COL7A1: variants seen among roughly 807,000 people sequenced by gnomAD.
COL7A1 encodes collagen alpha-1(VII) chain.
COL7A1 carries 296 observed loss-of-function variants against 456.2 expected under a neutral mutation model. The ratio of observed to expected loss-of-function variants is 0.65; its 90% CI spans 0.59 to 0.71. The LOEUF (loss-of-function observed/expected upper bound fraction) is 0.71, where lower values mean the gene tolerates loss of function less well. Among genes scored for constraint, COL7A1 ranks in the 30% least tolerant of loss-of-function variants. The pLI, the probability that COL7A1 is intolerant of heterozygous loss-of-function variation, is 0.00. For synonymous variants in COL7A1, 1,464 were observed against 1,525.9 expected (o/e 0.96, Z 0.95); for missense variants, 3,441 against 4,017.2 (o/e 0.86, Z 3.88).
rs1361793973 is a variant in COL7A1, at chr3:48,571,387, G to A, written c.7069-109C>T. The A allele has an allele frequency of 2.2e-5, 31 of 1,385,140 alleles. No individual in the cohort carries two copies. The highest frequency in any genetic ancestry group is 9.2e-6 in the Non-Finnish European group (9 of 983,572). 85.8% of individuals were successfully genotyped at this position (1,385,140 alleles called of 1,614,324 possible). A position where few individuals can be genotyped will look rare whatever the true frequency, so the allele number is the denominator to read the frequency against. ...AGTTCTGATGTGACCATGAACACAT[G>A]GGAACTCAGACATGCGACCAAGAAT... On this transcript the variant is annotated intron_variant, in intron 92 of 118. Transcript: ENST00000681320. The surrounding 1 kb of genome is among the most constrained non-coding windows in gnomAD (Gnocchi z 4.6).
chr3:48,575,533 T>C lies in COL7A1; in HGVS notation c.5986A>G (p.Ile1996Val), dbSNP rs771271966. The part of the protein sequence containing the change: ...EQGPPGKEGP[I>V]GFPGERGLKG... ...AGCCCGCGTTCTCCAGGAAAGCCGA[T>C]GGGGCCCTGCAGGAGTGGAAGAGAG... Residue 1996 changes from isoleucine (I) to valine (V), a missense_variant, in exon 74 of 119, where the codon ATC becomes GTC. This residue lies in a region of COL7A1 where 2,084 missense variants were observed against 2,501.3 expected (regional missense o/e 0.83). Coordinates refer to ENST00000681320, the MANE Select transcript of COL7A1 (RefSeq NM_000094.4). The surrounding 1 kb of genome is among the most constrained non-coding windows in gnomAD (Gnocchi z 6.3). 33 of 1,612,642 alleles carry C rather than the reference T, an allele frequency of 2.0e-5. No individual in the cohort carries two copies. In the African/African-American group the frequency reaches 3.7e-4, roughly 18 times the overall value.
Position 48,580,969 on chromosome 3 carries a change from A to C in COL7A1, c.4936-43T>G, listed in dbSNP as rs1341228149. On this transcript the variant is annotated intron_variant, in intron 53 of 118. Transcript: ENST00000681320. The surrounding 1 kb of genome is among the most constrained non-coding windows in gnomAD (Gnocchi z 4.5). The stretch of plus-strand genomic sequence containing the variant: ...AGTCATACTGCACAGGGCAGTCAGG[A>C]TCTAACTCACTCAGGGAGAGGGGAC... 3 of 1,612,602 alleles carry C rather than the reference A, an allele frequency of 1.9e-6. No individual in the cohort carries two copies. The highest frequency in any genetic ancestry group is 1.3e-5 in the African/African-American group (1 of 74,874).
chr3:48,567,974 C>G lies in COL7A1; in HGVS notation c.7876-83G>C, dbSNP rs2043682986. The G allele has an allele frequency of 4.6e-5, 74 of 1,602,924 alleles. No homozygotes were observed. The highest frequency in any genetic ancestry group is 6.3e-5 in the Non-Finnish European group (74 of 1,170,494). The stretch of plus-strand genomic sequence containing the variant: ...TTCACCCTGAAACTAACTCTCCAAA[C>G]AGGCCTCAGCTACTCCAACCTCTGA... On this transcript the variant is annotated intron_variant, in intron 106 of 118. Transcript: ENST00000681320. This position sits in a 1 kb window ranked among gnomAD's most constrained non-coding sequence, Gnocchi z 4.3.
At position 48,593,140 on chromosome 3, in the gene COL7A1, A is replaced by C; in HGVS notation, c.644T>G (p.Val215Gly). 6.2e-7 allele frequency: 1 copy of C among 1,613,844 alleles called. No individual in the cohort carries two copies. The highest frequency in any genetic ancestry group is 8.5e-7 in the Non-Finnish European group (1 of 1,179,948). The change falls in exon 6 of 119, where the codon GTG becomes GGG. Residue 215 changes from valine to glycine, a missense_variant. Val to Gly is a moderately radical substitution (Grantham distance 109). Transcript: ENST00000681320. The surrounding 1 kb of genome is among the most constrained non-coding windows in gnomAD (Gnocchi z 4.4). ...AGGCACGCCACCAGCAGTCGTGCAC[A>C]CTCTCCGGGAAACGAGGGGCAGTAG... ...RTLLPLVSRR[V>G]CTTAGGVPVT... is the part of the protein sequence containing the mutation.
rs750126703 is a variant in COL7A1, at chr3:48,574,515, A to T, written c.6429T>A (p.Pro2143=). 1.9e-6 allele frequency: 3 copies of T among 1,614,064 alleles called. No individual in the cohort carries two copies. Among genetic ancestry groups the T allele is most frequent in the Non-Finnish European group, 2.5e-6 (3 of 1,180,022 alleles). ...VPGIKGDRGE[P]GPRGQDGNPG... ...GGTTGCCGTCCTGACCCCTCGGTCC[A>T]GGCTCTCCCCGGTCTCCTTTGATGC... is the stretch of plus-strand genomic sequence containing the variant. The change falls in exon 79 of 119, where the codon CCT becomes CCA. Residue 2143 remains proline (P), a synonymous_variant. Coordinates refer to ENST00000681320, the MANE Select transcript of COL7A1 (RefSeq NM_000094.4). This position sits in a 1 kb window ranked among gnomAD's most constrained non-coding sequence, Gnocchi z 5.0.
In COL7A1 at chr3:48,584,901, G is replaced by T. The variant is rs1283623502; in HGVS notation, c.4011+9C>A. ...ACACTTAGAGAGCAAAGAAGGGAAG[G>T]CACCTTACCGGGTCCCCACGAGGGC... On this transcript the variant is annotated intron_variant, in intron 34 of 118. Coordinates refer to ENST00000681320, the MANE Select transcript of COL7A1 (RefSeq NM_000094.4). 3.1e-6 allele frequency: 5 copies of T among 1,613,940 alleles called. No homozygotes were observed. Among genetic ancestry groups the T allele is most frequent in the South Asian group, 1.1e-5 (1 of 91,092 alleles).
chr3:48,574,886 G>A lies in COL7A1; in HGVS notation c.6280-21C>T, dbSNP rs770650292. 6.2e-7 allele frequency: 1 copy of A among 1,613,382 alleles called. No individual in the cohort carries two copies. The highest frequency in any genetic ancestry group is 8.5e-7 in the Non-Finnish European group (1 of 1,179,646). ...GACACCTACAAACACAAGGTCACAG[G>A]GGAGAGATGTCTCTGTCATAGAGGC... On this transcript the variant is annotated intron_variant, in intron 76 of 118. Transcript: ENST00000681320. The surrounding 1 kb of genome is among the most constrained non-coding windows in gnomAD (Gnocchi z 5.0).
Position 48,585,058 on chromosome 3 carries a change from G to A in COL7A1, c.3953C>T (p.Thr1318Ile), listed in dbSNP as rs749973992. The part of the protein sequence containing the change: ...GSPGRAGNPG[T>I]PGAPGLKGSP... ...CACCTTTAGGCCAGGGGCTCCAGGGGTCCCAGGATTCCCGGCGCGGCCAGG... is the reference window on the plus strand; with the variant it reads ...CACCTTTAGGCCAGGGGCTCCAGGGATCCCAGGATTCCCGGCGCGGCCAGG... Residue 1318 changes from threonine (T) to isoleucine (I), a missense_variant, in exon 33 of 119, where the codon ACC (threonine) becomes ATC (isoleucine). Thr to Ile is a moderately conservative substitution (Grantham distance 89, BLOSUM62 -1). Around this residue, in one of 3 missense-constraint regions of COL7A1, gnomAD observed 2,084 missense variants for 2,501.3 expected, o/e 0.83. Coordinates refer to ENST00000681320, the MANE Select transcript of COL7A1 (RefSeq NM_000094.4). This position sits in a 1 kb window ranked among gnomAD's most constrained non-coding sequence, Gnocchi z 4.5. 2.5e-6 allele frequency: 4 copies of A among 1,612,796 alleles called. No homozygotes were observed. The highest frequency in any genetic ancestry group is 3.4e-6 in the Non-Finnish European group (4 of 1,179,940).
chr3:48,582,200 C>A, intron 47 of COL7A1, 123 bp downstream of exon 47: 2 of 1,558,818 alleles, frequency 1.3e-6, no homozygotes, highest in South Asian at 1.1e-5. Flanking sequence ...GAAGGAGAGC[C>A]GCAGAGCTCC....
chr3:48,574,170 A>C lies in COL7A1; in HGVS notation c.6501+92T>G, dbSNP rs2044124948. ...AGGCACACAGACACAGGTACACACAAACACACACACACAGACATGCACACA... is the reference window on the plus strand; with the variant it reads ...AGGCACACAGACACAGGTACACACACACACACACACACAGACATGCACACA... On this transcript the variant is annotated intron_variant, in intron 80 of 118. Coordinates refer to ENST00000681320, the MANE Select transcript of COL7A1 (RefSeq NM_000094.4). The surrounding 1 kb of genome is among the most constrained non-coding windows in gnomAD (Gnocchi z 5.0). The C allele has an allele frequency of 6.8e-7, 1 of 1,476,724 alleles. No homozygotes were observed. The highest frequency in any genetic ancestry group is 9.4e-7 in the Non-Finnish European group (1 of 1,061,492). The allele number at this position is 1,476,724 out of a possible 1,614,324, so 91.5% of individuals were successfully genotyped here.
rs973068015 is a variant in COL7A1 at position 48,568,595 on chromosome 3, G to A, written c.7759-61C>T. Reference sequence around the variant, plus strand: ...GACTGTCCCCAACACTGGCCCATCCGCTGCATGTGTGGCCACTCAGATGCT... The same window carrying A: ...GACTGTCCCCAACACTGGCCCATCCACTGCATGTGTGGCCACTCAGATGCT... On this transcript the variant is annotated intron_variant, in intron 104 of 118. Transcript: ENST00000681320. The surrounding 1 kb of genome is among the most constrained non-coding windows in gnomAD (Gnocchi z 5.2). 5.8e-6 allele frequency: 9 copies of A among 1,560,000 alleles called. No homozygotes were observed. The African/African-American group carries it at 9.5e-5, about 16-fold the overall frequency.
chr3:48,592,937 C>T lies in COL7A1; in HGVS notation c.684G>A (p.Pro228=), dbSNP rs752563213. The change falls in exon 7 of 119, where the codon CCG becomes CCA. Residue 228 remains proline, a splice_region_variant and synonymous_variant. Transcript: ENST00000681320. This position sits in a 1 kb window ranked among gnomAD's most constrained non-coding sequence, Gnocchi z 7.6. ...CTCGTGGAGCAGAGGTCGAGTCATC[C>T]GCTGGGAATGCGGGATCAGGGGATC... ...TAGGVPVTRP[P]DDSTSAPRDL... The T allele has an allele frequency of 3.4e-5, 55 of 1,613,518 alleles. No individual in the cohort carries two copies. The highest frequency in any genetic ancestry group is 4.5e-5 in the East Asian group (2 of 44,866).
Position 48,590,150 on chromosome 3 carries a change from AAG to A in COL7A1, c.2050+61_2050+62del. On this transcript the variant is annotated intron_variant, in intron 16 of 118. Coordinates refer to ENST00000681320, the MANE Select transcript of COL7A1 (RefSeq NM_000094.4). This position sits in a 1 kb window ranked among gnomAD's most constrained non-coding sequence, Gnocchi z 4.6. ...GGGGAGAAGCAAGGGTCTGCAAGGG[AAG>A]GCATGGGGGTCTGAAAGAGCAATGG... The A allele has an allele frequency of 6.3e-7, 1 of 1,580,308 alleles. No homozygotes were observed. The highest frequency in any genetic ancestry group is 1.3e-5 in the African/African-American group (1 of 74,428).
Position 48,583,250 on chromosome 3 carries a change from G to T in COL7A1, c.4438-79C>A. 6.2e-7 allele frequency: 1 copy of T among 1,603,574 alleles called. No homozygotes were observed. Among genetic ancestry groups the T allele is most frequent in the Non-Finnish European group, 8.5e-7 (1 of 1,173,824 alleles). The stretch of plus-strand genomic sequence containing the variant: ...TTGAACGTCAAACCCCAGACAAGGG[G>T]TCCCAAACTCCAACCACCCCCTCCA... On this transcript the variant is annotated intron_variant, in intron 42 of 118. Transcript: ENST00000681320. This position sits in a 1 kb window ranked among gnomAD's most constrained non-coding sequence, Gnocchi z 5.1.
In COL7A1 at chr3:48,592,313, G is replaced by C. The variant is rs1438778418; in HGVS notation, c.1093+38C>G. ...CTCAGGACTCTACAGCCTTGTCTGA[G>C]GCGCGGGGACTCCCCTCAGCCCACA... On this transcript the variant is annotated intron_variant, in intron 9 of 118. Coordinates refer to ENST00000681320, the MANE Select transcript of COL7A1 (RefSeq NM_000094.4). The surrounding 1 kb of genome is among the most constrained non-coding windows in gnomAD (Gnocchi z 7.6). The C allele has an allele frequency of 6.2e-7, 1 of 1,613,632 alleles. No homozygotes were observed. Among genetic ancestry groups the C allele is most frequent in the Admixed American group, 1.7e-5 (1 of 60,032 alleles).
rs1467800288 is a variant in COL7A1 at position 48,582,640 on chromosome 3, AC to A, written c.4531del (p.Val1511LeufsTer199). The A allele has an allele frequency of 6.2e-7, 1 of 1,613,224 alleles. No homozygotes were observed. The highest frequency in any genetic ancestry group is 8.5e-7 in the Non-Finnish European group (1 of 1,179,958). ...GPAGSRGLPGVAGRPGAKGPE... is the reference protein window; with the variant it reads ...GPAGSRGLPGXAGRPGAKGPE... ...ACCCTTGGCTCCAGGACGTCCAGCA[AC>A]CCCTGGCAGCCCCTGGAGGAGAGGA... On this transcript the variant is annotated frameshift_variant, in exon 45 of 119. Coordinates refer to ENST00000681320, the MANE Select transcript of COL7A1 (RefSeq NM_000094.4). LOFTEE classifies it high-confidence loss of function.
In COL7A1 at chr3:48,579,915, T is replaced by C. The variant is rs1575453138; in HGVS notation, c.5125-101A>G. 6.2e-7 allele frequency: 1 copy of C among 1,606,896 alleles called. No homozygotes were observed. Among genetic ancestry groups the C allele is most frequent in the East Asian group, 2.2e-5 (1 of 44,762 alleles). On this transcript the variant is annotated intron_variant, in intron 57 of 118. Transcript: ENST00000681320. The surrounding 1 kb of genome is among the most constrained non-coding windows in gnomAD (Gnocchi z 4.4). ...GAGGGGCTCCAGGGATCCGCGGAGG[T>C]TTCAGAGGGACAGTGGGGGAAGTGG...
chr3:48,589,202 G>T, intron 18 of COL7A1, 125 bp downstream of exon 18: 1 of 1,497,680 alleles, frequency 6.7e-7, no homozygotes, highest in East Asian at 2.3e-5. Flanking sequence ...AATCAGTGTG[G>T]GGTGGGTCAG....
In COL7A1 at chr3:48,587,799, G is replaced by A. The variant is rs143593422; in HGVS notation, c.2851C>T (p.Arg951Cys). 74 of 1,613,234 alleles carry A rather than the reference G, an allele frequency of 4.6e-5. No homozygotes were observed. Among genetic ancestry groups the A allele is most frequent in the Middle Eastern group, 1.6e-4 (1 of 6,082 alleles). The part of the protein sequence containing the change: ...GEGPSAEVTA[R>C]TESPRVPSIE... ...CAAGGTGAGGCAGGCTTACCAGTGCGCGCAGTCACCTCTGCAGAGGGCCCT... is the reference window on the plus strand; with the variant it reads ...CAAGGTGAGGCAGGCTTACCAGTGCACGCAGTCACCTCTGCAGAGGGCCCT... The change falls in exon 22 of 119, where the codon CGC becomes TGC. Residue 951 changes from arginine to cysteine, a missense_variant. Physicochemically the swap from Arg to Cys is radical, Grantham distance 180. Transcript: ENST00000681320. This position sits in a 1 kb window ranked among gnomAD's most constrained non-coding sequence, Gnocchi z 6.1.
Sources: gnomAD v4.1 joint callset for allele counts on GRCh38, gnomAD v4.1.1 for gene constraint, gnomAD v4.1.1 regional missense constraint, Gnocchi (gnomAD v3.1) non-coding constraint, MANE v1.5 for transcripts, NCBI Gene and HGNC (gene_info 2026-07-23, HGNC 2026-07-21) for gene names.